Variants in KIAA1549 observed in about 807,000 individuals in gnomAD.
The protein encoded by KIAA1549 is UPF0606 protein KIAA1549.
A neutral mutation model predicts 156.4 loss-of-function variants in KIAA1549; 70 were observed. The observed-to-expected ratio is 0.45, with a 90% CI of 0.37 to 0.55. The LOEUF is 0.55. KIAA1549 is among the 20% of genes least tolerant of loss of function. KIAA1549 has a pLI of 0.00. For missense variants in KIAA1549, 2,428 were observed against 2,540.9 expected (o/e 0.96, Z 0.96); for synonymous variants, 1,103 against 1,066.4 (o/e 1.03, Z -0.67).
chr7:138,918,528 A>C lies in KIAA1549; in HGVS notation c.1098T>G (p.Leu366=), dbSNP rs777566268. 8.1e-6 allele frequency: 13 copies of C among 1,614,050 alleles called. No homozygotes were observed. In the East Asian group the frequency reaches 2.9e-4, roughly 36 times the overall value. The change falls in exon 2 of 20, where the codon CTT becomes CTG. Residue 366 remains leucine, a synonymous_variant. Coordinates refer to ENST00000422774, the MANE Select transcript of KIAA1549 (RefSeq NM_001164665.2). This position sits in a 1 kb window ranked among gnomAD's most constrained non-coding sequence, Gnocchi z 4.2. ...RTHSPLLSTP[L]AFASSASPTD... is the part of the protein sequence containing the mutation. ...TTGGTGAAGCAGAGGACGCAAATGC[A>C]AGAGGAGTTGAAAGCAATGGAGAAT... is the stretch of plus-strand genomic sequence containing the variant.
chr7:138,978,595 G>A (rs1814449647), intron 1 of KIAA1549, among the ~76,000 whole-genome samples: 1 of 152,176 alleles, frequency 6.6e-6, no homozygotes, highest in East Asian at 1.9e-4. Context: ...CTGGAAGGTG[G>A]ACTCTATTGA....
At chr7:138,977,951 C>T (rs535091646) in intron 1 of KIAA1549, among the ~76,000 whole-genome samples, 49 of 152,294 alleles carry the variant, frequency 3.2e-4, no homozygotes, top group South Asian at 2.3e-3. Context: ...CCGCCCACCT[C>T]GGCTTCCCAA....
chr7:138,947,054 G>A (rs956347462), intron 1 of KIAA1549, among the ~76,000 whole-genome samples: 3 of 151,724 alleles, frequency 2.0e-5, no homozygotes, highest in Middle Eastern at 3.4e-3. Context: ...CTACTTCCAC[G>A]TTCTCACCAA....
At chr7:138,906,595 G>A (rs944448107) in intron 6 of KIAA1549, among the ~76,000 whole-genome samples, 10 of 152,322 alleles carry the variant, frequency 6.6e-5, no homozygotes, top group East Asian at 3.9e-4. Flanking sequence ...TGATATGTGG[G>A]AGCTAAGCTA....
chr7:138,914,935 G>A (rs1168417456), intron 2 of KIAA1549, among the ~76,000 whole-genome samples: 1 of 152,148 alleles, frequency 6.6e-6, no homozygotes, highest in Admixed American at 6.5e-5. Context: ...GCTTACAACT[G>A]ACCACTTTGT....
chr7:138,978,539 C>T (rs943828864), intron 1 of KIAA1549, among the ~76,000 whole-genome samples: 78 of 151,996 alleles, frequency 5.1e-4, no homozygotes, highest in Middle Eastern at 6.8e-3. Flanking sequence ...GACAAGAAAT[C>T]GATTTAACAT....
intron 15 of KIAA1549, among the ~76,000 whole-genome samples, chr7:138,867,385 T>C (rs552223480): frequency 6.6e-6 from 1 of 151,930 alleles, no homozygotes; most frequent in East Asian, 1.9e-4. Flanking sequence ...TGAGACCCCA[T>C]CTCTACAAAA....
At chr7:138,945,155 C>A (rs937975801) in intron 1 of KIAA1549, among the ~76,000 whole-genome samples, 8 of 152,198 alleles carry the variant, frequency 5.3e-5, no homozygotes, top group Non-Finnish European at 1.5e-5. Flanking sequence ...GTGTCTCTCA[C>A]AGAGGAGTCC....
rs901628455 is a variant in KIAA1549 at position 138,835,281 on chromosome 7, T to C, written c.*2625A>G. ...CGAGAGGAAGCAAGTACAAACTGTG[T>C]GTGCTTTATGACCACCAGCAGAGGG... On this transcript the variant is annotated 3_prime_UTR_variant, in exon 20 of 20. Transcript: ENST00000422774. 4.7e-6 allele frequency: 1 copy of C among 214,918 alleles called. No homozygotes were observed. Among genetic ancestry groups the C allele is most frequent in the African/African-American group, 2.3e-5 (1 of 44,246 alleles). The allele number at this position is 214,918 out of a possible 1,614,324, so 13.3% of individuals were successfully genotyped here.
At chr7:138,949,688 G>A (rs1813437580) in intron 1 of KIAA1549, among the ~76,000 whole-genome samples, 1 of 151,906 alleles carries the variant, frequency 6.6e-6, no homozygotes, top group South Asian at 2.1e-4. Flanking sequence ...TTGCCTCAAG[G>A]TTAAAAAATT....
At chr7:138,870,726 C>G (rs550599196) in intron 13 of KIAA1549, among the ~76,000 whole-genome samples, 14 of 152,356 alleles carry the variant, frequency 9.2e-5, no homozygotes, top group African/African-American at 3.4e-4. Flanking sequence ...CATTAAGAAT[C>G]CTTGTCAGCA....
chr7:138,975,809 T>C lies in KIAA1549; in HGVS notation c.187+5274A>G, dbSNP rs536932288. ...GAAAATCAACCTAGTGTAATTATAATGACGGTAATTAGCTGCCTCTATCAT... is the reference window on the plus strand; with the variant it reads ...GAAAATCAACCTAGTGTAATTATAACGACGGTAATTAGCTGCCTCTATCAT... On this transcript the variant is annotated intron_variant, in intron 1 of 19. Transcript: ENST00000422774. 4.9e-4 allele frequency among the ~76,000 whole-genome samples: 74 copies of C among 152,364 alleles called. 2 individuals are homozygous for C. The highest frequency in any genetic ancestry group is 1.6e-3 in the African/African-American group (65 of 41,590).
chr7:138,882,754 G>A (rs1020578948), intron 10 of KIAA1549, among the ~76,000 whole-genome samples: 3 of 152,114 alleles, frequency 2.0e-5, no homozygotes, highest in African/African-American at 7.2e-5. Context: ...CTAGAAAGAA[G>A]TAGTCAAAAG....
At chr7:138,885,719 T>G (rs139976168) in intron 10 of KIAA1549, among the ~76,000 whole-genome samples, 1 of 152,280 alleles carries the variant, frequency 6.6e-6, no homozygotes, top group African/African-American at 2.4e-5. Context: ...CAGAGTCTGG[T>G]TTTTCTGTTA....
Position 138,837,832 on chromosome 7 carries a change from C to T in KIAA1549, c.*74G>A, listed in dbSNP as rs763703586. The T allele has an allele frequency of 6.6e-7, 1 of 1,520,810 alleles. No individual in the cohort carries two copies. The highest frequency in any genetic ancestry group is 1.4e-5 in the African/African-American group (1 of 72,998). 94.2% of individuals were successfully genotyped at this position (1,520,810 alleles called of 1,614,324 possible). A position where few individuals can be genotyped will look rare whatever the true frequency, so the allele number is the denominator to read the frequency against. ...AGTTGCTCCTTCCTCTTCCAAACACCCACTCAGTTGATTTCCTTTTGGTCT... is the reference window on the plus strand; with the variant it reads ...AGTTGCTCCTTCCTCTTCCAAACACTCACTCAGTTGATTTCCTTTTGGTCT... On this transcript the variant is annotated 3_prime_UTR_variant, in exon 20 of 20. Transcript: ENST00000422774.
intron 8 of KIAA1549, among the ~76,000 whole-genome samples, chr7:138,903,118 ATAC>A (rs1435146596): frequency 1.3e-5 from 2 of 152,170 alleles, no homozygotes. Flanking sequence ...TGACTCCATA[ATAC>A]CATGGAAGCC....
chr7:138,866,491 G>T (rs747140315), intron 15 of KIAA1549, among the ~76,000 whole-genome samples: 24 of 152,136 alleles, frequency 1.6e-4, no homozygotes, highest in Non-Finnish European at 2.9e-5. Context: ...TTTTGCTAAC[G>T]TGTCTCTAAA....
intron 18 of KIAA1549, among the ~76,000 whole-genome samples, chr7:138,842,487 G>C (rs997135807): frequency 6.6e-6 from 1 of 152,182 alleles, no homozygotes. Flanking sequence ...AGGAGTTCAC[G>C]ACCAGCCTAG....
chr7:138,949,825 C>T (rs1286085579), intron 1 of KIAA1549, among the ~76,000 whole-genome samples: 2 of 152,372 alleles, frequency 1.3e-5, no homozygotes, highest in Admixed American at 6.5e-5. Context: ...GTGGGTCACA[C>T]ATTCTAATAC....
Sources: allele counts gnomAD v4.1 joint callset (sites outside exome capture counted in the v4.1 genomes callset), GRCh38; gene constraint gnomAD v4.1.1; non-coding constraint Gnocchi (gnomAD v3.1); transcripts MANE v1.5; gene names NCBI Gene and HGNC (gene_info 2026-07-23, HGNC 2026-07-21).